BBX: variants seen among roughly 807,000 people sequenced by gnomAD.
BBX encodes BBX high mobility group box domain containing.
A neutral mutation model predicts 100.2 loss-of-function variants in BBX; 30 were observed. The observed-to-expected ratio is 0.30, with a 90% CI of 0.22 to 0.41. The LOEUF (loss-of-function observed/expected upper bound fraction) is 0.41, where lower values mean the gene tolerates loss of function less well. Ranked by LOEUF, BBX falls within the 10% of genes least tolerant of loss-of-function variation. The pLI is 1.00. For missense variants in BBX, 1,023 were observed against 1,129.8 expected (o/e 0.91, Z 1.35); for synonymous variants, 376 against 388.1 (o/e 0.97, Z 0.37).
intron 3 of BBX, among the ~76,000 whole-genome samples, chr3:107,653,561 G>A (rs917575645): frequency 2.6e-5 from 4 of 152,116 alleles, no homozygotes; most frequent in Non-Finnish European, 4.4e-5. Flanking sequence ...TGTTTGTTTT[G>A]TATTATCTTG....
At chr3:107,565,532 G>T (rs908246353) in intron 2 of BBX, among the ~76,000 whole-genome samples, 1 of 150,736 alleles carries the variant, frequency 6.6e-6, no homozygotes, top group Non-Finnish European at 1.5e-5. Flanking sequence ...GGGCAGTGGC[G>T]CAATCTCGGC....
At chr3:107,723,994 C>G (rs1230805590) in intron 5 of BBX, among the ~76,000 whole-genome samples, 2 of 152,210 alleles carry the variant, frequency 1.3e-5, no homozygotes, top group African/African-American at 4.8e-5. Context: ...ACACTGTCTT[C>G]CACAATGGAT....
chr3:107,724,573 T>C (rs1391582924), intron 5 of BBX, among the ~76,000 whole-genome samples: 1 of 152,226 alleles, frequency 6.6e-6, no homozygotes, highest in Non-Finnish European at 1.5e-5. Context: ...CCATCTTGAA[T>C]TGATTTTTGT....
At chr3:107,598,120 TC>T (rs2053793366) in intron 2 of BBX, among the ~76,000 whole-genome samples, 1 of 152,212 alleles carries the variant, frequency 6.6e-6, no homozygotes, top group Admixed American at 6.5e-5. Flanking sequence ...AGTTTGCTTA[TC>T]CCAGTTTGAA....
At chr3:107,586,341 C>G (rs1322922717) in intron 2 of BBX, among the ~76,000 whole-genome samples, 1 of 152,128 alleles carries the variant, frequency 6.6e-6, no homozygotes, top group African/African-American at 2.4e-5. Flanking sequence ...GGTACTACAA[C>G]TATATATTCA....
chr3:107,791,314 GTTATT>G lies in BBX; in HGVS notation c.2353+17_2353+21del, dbSNP rs757492729. 6.8e-6 allele frequency: 11 copies of G among 1,606,600 alleles called. No homozygotes were observed. The East Asian group carries it at 2.5e-4, about 36-fold the overall frequency. ...CCCTACAGAAGGTAAGACAAGCAAT[GTTATT>G]TAATTTGAGACAATCGGAGCTGGAA... On this transcript the variant is annotated intron_variant, in intron 15 of 17. Transcript: ENST00000325805.
intron 9 of BBX, among the ~76,000 whole-genome samples, chr3:107,753,654 G>A (rs2065248096): frequency 6.6e-6 from 1 of 152,136 alleles, no homozygotes; most frequent in Non-Finnish European, 1.5e-5. Flanking sequence ...AGGATATGTG[G>A]GAGTGACACA....
chr3:107,618,648 T>C (rs568929006), intron 2 of BBX, among the ~76,000 whole-genome samples: 15 of 152,090 alleles, frequency 9.9e-5, no homozygotes, highest in Non-Finnish European at 1.9e-4. Flanking sequence ...TTTTGACCCA[T>C]GGATTATCTA....
chr3:107,640,225 TTACTC>T (rs1429341766), intron 2 of BBX, among the ~76,000 whole-genome samples: 3 of 152,164 alleles, frequency 2.0e-5, no homozygotes, highest in Non-Finnish European at 4.4e-5. Flanking sequence ...GCTGCTAACA[TTACTC>T]TGCTATTTAG....
chr3:107,776,147 T>C (rs2067301047), intron 12 of BBX: 1 of 152,184 alleles, frequency 6.6e-6, no homozygotes. Context: ...CTTGTGGGTC[T>C]GCTCACTGAG....
At chr3:107,790,408 C>T (rs551758528) in intron 14 of BBX, among the ~76,000 whole-genome samples, 9 of 152,174 alleles carry the variant, frequency 5.9e-5, no homozygotes, top group Admixed American at 2.0e-4. Context: ...GCTCTTGTTC[C>T]GACCTCTTTC....
At chr3:107,549,103 A>G (rs573358922) in intron 2 of BBX, among the ~76,000 whole-genome samples, 6 of 152,324 alleles carry the variant, frequency 3.9e-5, no homozygotes, top group African/African-American at 9.6e-5. Flanking sequence ...CAATATACCC[A>G]TGTAACAACC....
intron 2 of BBX, among the ~76,000 whole-genome samples, chr3:107,566,667 A>G (rs2050942144): frequency 7.0e-6 from 1 of 143,638 alleles, no homozygotes; most frequent in South Asian, 2.2e-4. Flanking sequence ...TTTATAATTT[A>G]TATTTTGTTA....
rs140952236 is a variant in BBX, at chr3:107,770,782, C to T, written c.907-1846C>T. Among the ~76,000 whole-genome samples, 557 of 152,242 alleles carry T rather than the reference C, an allele frequency of 3.7e-3. 1 individual carries two copies. The highest frequency in any genetic ancestry group is 0.013 in the African/African-American group (538 of 41,558). ...TGTTCACTTTTTTTAATTGCAGTGT[C>T]TGCCTCTCTCCACCCTTTCTTTAAT... is the stretch of plus-strand genomic sequence containing the variant. On this transcript the variant is annotated intron_variant, in intron 10 of 17. Coordinates refer to ENST00000325805, the MANE Select transcript of BBX (RefSeq NM_001142568.3).
At chr3:107,635,913 T>C (rs2056825122) in intron 2 of BBX, among the ~76,000 whole-genome samples, 1 of 152,088 alleles carries the variant, frequency 6.6e-6, no homozygotes, top group Non-Finnish European at 1.5e-5. Flanking sequence ...CATTTCACCA[T>C]GTTGGCCAGG....
chr3:107,588,749 A>G (rs140069931), intron 2 of BBX, among the ~76,000 whole-genome samples: 3 of 152,354 alleles, frequency 2.0e-5, no homozygotes, highest in African/African-American at 7.2e-5. Context: ...AGTGAATAAA[A>G]AAGAATGGGG....
intron 2 of BBX, among the ~76,000 whole-genome samples, chr3:107,565,900 G>A (rs891723180): frequency 1.3e-5 from 2 of 151,572 alleles, no homozygotes; most frequent in Admixed American, 1.3e-4. Flanking sequence ...TGGGCTGGGC[G>A]CCGTGGCTCA....
chr3:107,627,802 A>G (rs1289245406), intron 2 of BBX, among the ~76,000 whole-genome samples: 4 of 152,062 alleles, frequency 2.6e-5, no homozygotes, highest in Non-Finnish European at 5.9e-5. Context: ...TATATGTTGT[A>G]AGAAAGAAAG....
At chr3:107,736,824 T>G (rs1379626740) in intron 7 of BBX, among the ~76,000 whole-genome samples, 2 of 152,244 alleles carry the variant, frequency 1.3e-5, no homozygotes, top group African/African-American at 4.8e-5. Context: ...TCATCTTGGC[T>G]AGAACAGAAG....
Sources: gnomAD v4.1 joint callset for allele counts (sites outside exome capture counted in the v4.1 genomes callset) on GRCh38, gnomAD v4.1.1 for gene constraint, MANE v1.5 for transcripts, NCBI Gene and HGNC (gene_info 2026-07-23, HGNC 2026-07-21) for gene names.